Variants in TRAPPC9 observed in about 807,000 individuals in gnomAD.
TRAPPC9 encodes the protein trafficking protein particle complex subunit 9, also known as IKK2 binding protein.
Under a neutral mutation model 124.0 loss-of-function variants are expected in TRAPPC9, and 83 were observed. The ratio of observed to expected loss-of-function variants is 0.67; its 90% CI spans 0.56 to 0.80. The LOEUF is 0.80. Ranked by LOEUF, TRAPPC9 falls within the 30% of genes least tolerant of loss-of-function variation. The pLI is 0.00. For missense variants in TRAPPC9, 1,302 were observed against 1,508.3 expected, an observed-to-expected ratio of 0.86 and a Z score of 2.27; for synonymous variants, 638 against 617.5, an observed-to-expected ratio of 1.03 and a Z score of -0.49.
chr8:140,117,260 C>T (rs1263668938), intron 17 of TRAPPC9, among the ~76,000 whole-genome samples: 2 of 152,144 alleles, frequency 1.3e-5, no homozygotes, highest in South Asian at 4.2e-4. Flanking sequence ...GCAAAGTGCT[C>T]ACCACACAGT....
rs1817765934 is a variant in TRAPPC9, at chr8:139,730,825, A to G, written c.*236T>C. The G allele has an allele frequency of 5.3e-6, 3 of 565,852 alleles. No homozygotes were observed. The highest frequency in any genetic ancestry group is 3.0e-5 in the East Asian group (1 of 33,754). 35.1% of individuals were successfully genotyped at this position (565,852 alleles called of 1,614,324 possible). A position where few individuals can be genotyped will look rare whatever the true frequency, so the allele number is the denominator to read the frequency against. On this transcript the variant is annotated 3_prime_UTR_variant, in exon 23 of 23. Coordinates refer to ENST00000438773, the MANE Select transcript of TRAPPC9 (RefSeq NM_001160372.4). Reference sequence around the variant, plus strand: ...GGATTTCCTCTGCTTCAGCCTGTGTATGGTCCAGGGAACAGTGTAGGAAGG... The same window carrying G: ...GGATTTCCTCTGCTTCAGCCTGTGTGTGGTCCAGGGAACAGTGTAGGAAGG...
At chr8:140,065,107 T>C (rs1434575007) in intron 17 of TRAPPC9, among the ~76,000 whole-genome samples, 1 of 152,318 alleles carries the variant, frequency 6.6e-6, no homozygotes, top group African/African-American at 2.4e-5. Flanking sequence ...ATACAACTTG[T>C]ATTGATGCTC....
At chr8:140,272,116 A>AATGATG (rs1554657918) in intron 15 of TRAPPC9, among the ~76,000 whole-genome samples, 16,178 of 120,142 alleles carry the variant, frequency 0.13, 1,071 homozygotes, top group Non-Finnish European at 0.17. Flanking sequence ...TGGTGGTGGC[A>AATGATG]ATGGTGATGG....
intron 5 of TRAPPC9, among the ~76,000 whole-genome samples, chr8:140,422,327 T>C (rs2070245633): frequency 6.6e-6 from 1 of 152,146 alleles, no homozygotes; most frequent in African/African-American, 2.4e-5. Context: ...AAACATAAAC[T>C]GGATTTCATC....
intron 5 of TRAPPC9, among the ~76,000 whole-genome samples, 181 bp downstream of exon 5, chr8:140,426,434 G>T (rs982975068): frequency 1.3e-5 from 2 of 152,156 alleles, no homozygotes; most frequent in African/African-American, 4.8e-5. Context: ...AAGCAACGGG[G>T]TGCCCATCAA....
At chr8:139,859,349 C>A (rs1300007052) in intron 21 of TRAPPC9, among the ~76,000 whole-genome samples, 1 of 152,152 alleles carries the variant, frequency 6.6e-6, no homozygotes, top group Non-Finnish European at 1.5e-5. Context: ...GCAATCACTA[C>A]CGCTCACTGT....
chr8:139,868,878 A>G (rs1828717942), intron 21 of TRAPPC9, among the ~76,000 whole-genome samples: 1 of 152,236 alleles, frequency 6.6e-6, no homozygotes, highest in South Asian at 2.1e-4. Flanking sequence ...ATATGACTAA[A>G]TATCAGAGTA....
intron 9 of TRAPPC9, among the ~76,000 whole-genome samples, chr8:140,337,394 G>A (rs1288822869): frequency 6.6e-6 from 1 of 152,168 alleles, no homozygotes; most frequent in Non-Finnish European, 1.5e-5. Context: ...CTGCATTTGA[G>A]GAAAGATAAA....
chr8:140,075,720 G>A (rs1388403587), intron 17 of TRAPPC9, among the ~76,000 whole-genome samples: 2 of 152,214 alleles, frequency 1.3e-5, no homozygotes, highest in Non-Finnish European at 1.5e-5. Context: ...AGAAGAGGCT[G>A]CCAAGTGTTC....
chr8:140,214,554 C>A (rs2063144508), intron 17 of TRAPPC9, among the ~76,000 whole-genome samples: 1 of 152,244 alleles, frequency 6.6e-6, no homozygotes. Flanking sequence ...AACCTTCTTT[C>A]TTTCCCCTGC....
intron 21 of TRAPPC9, among the ~76,000 whole-genome samples, chr8:139,831,522 C>T (rs997300141): frequency 2.0e-5 from 3 of 152,186 alleles, no homozygotes; most frequent in African/African-American, 7.2e-5. Flanking sequence ...CTCAATTTAA[C>T]TGAGAAATTA....
rs779849113 is a variant in TRAPPC9 at position 140,051,207 on chromosome 8, G to A, written c.2557-27128C>T. ...GCCCATTAGAAGACCTGAAGGGGCG[G>A]TGGAGCCTTTAAAATCAGGGCCACA... On this transcript the variant is annotated intron_variant, in intron 17 of 22. Transcript: ENST00000438773. 3.4e-4 allele frequency among the ~76,000 whole-genome samples: 51 copies of A among 152,188 alleles called. 1 individual carries two copies. The highest frequency in any genetic ancestry group is 9.2e-4 in the Admixed American group (14 of 15,286).
intron 17 of TRAPPC9, among the ~76,000 whole-genome samples, chr8:140,179,786 C>A (rs1014392991): frequency 6.6e-6 from 1 of 152,012 alleles, no homozygotes; most frequent in Non-Finnish European, 1.5e-5. Flanking sequence ...GTCACATGTT[C>A]TTGAAGAATT....
At chr8:139,766,998 C>T (rs949881840) in intron 21 of TRAPPC9, among the ~76,000 whole-genome samples, 1 of 152,214 alleles carries the variant, frequency 6.6e-6, no homozygotes, top group Non-Finnish European at 1.5e-5. Flanking sequence ...GGCCCTGGCA[C>T]AGGGCCCGGC....
chr8:139,865,468 A>G (rs904516504), intron 21 of TRAPPC9, among the ~76,000 whole-genome samples: 2 of 152,244 alleles, frequency 1.3e-5, no homozygotes, highest in African/African-American at 4.8e-5. Context: ...GACACAGATC[A>G]TCAAAGGGGA....
chr8:140,220,404 C>G (rs1446528049), intron 17 of TRAPPC9, among the ~76,000 whole-genome samples: 2 of 152,152 alleles, frequency 1.3e-5, no homozygotes, highest in South Asian at 4.1e-4. Context: ...CTTGGCTAAC[C>G]CAAGAGCCCA....
intron 10 of TRAPPC9, chr8:140,302,646 C>G (rs755801878): frequency 6.6e-6 from 1 of 152,224 alleles, no homozygotes; most frequent in South Asian, 2.1e-4. Context: ...CGACGCCAGA[C>G]GAACCGGTCG....
At chr8:139,738,602 G>A (rs1818352769) in intron 21 of TRAPPC9, among the ~76,000 whole-genome samples, 1 of 152,224 alleles carries the variant, frequency 6.6e-6, no homozygotes, top group Non-Finnish European at 1.5e-5. Flanking sequence ...GCCAGCCCAG[G>A]GAGGAAGGTA....
chr8:139,882,274 A>G (rs937750846), intron 21 of TRAPPC9, among the ~76,000 whole-genome samples: 6 of 152,128 alleles, frequency 3.9e-5, no homozygotes, highest in African/African-American at 1.4e-4. Context: ...TGAGGTCGCC[A>G]TGGGAGAGGT....
Sources: gnomAD v4.1 joint callset for allele counts (sites outside exome capture counted in the v4.1 genomes callset) on GRCh38, gnomAD v4.1.1 for gene constraint, MANE v1.5 for transcripts, NCBI Gene and HGNC (gene_info 2026-07-23, HGNC 2026-07-21) for gene names.